The following ROBO2 variants were observed in gnomAD, a reference collection of about 807,000 sequenced individuals.
ROBO2 encodes roundabout guidance receptor 2.
ROBO2 carries 53 observed loss-of-function variants against 160.8 expected under a neutral mutation model. The ratio of observed to expected loss-of-function variants is 0.33; its 90% CI spans 0.26 to 0.41. ROBO2 has a LOEUF of 0.41. ROBO2 is among the 10% of genes least tolerant of loss of function. The pLI is 1.00. For missense variants in ROBO2, 1,577 were observed against 1,722.4 expected, an observed-to-expected ratio of 0.92 and a Z score of 1.49; for synonymous variants, 664 against 611.7, an observed-to-expected ratio of 1.09 and a Z score of -1.26.
intron 2 of ROBO2, among the ~76,000 whole-genome samples, chr3:76,454,105 T>A (rs2077622352): frequency 6.6e-6 from 1 of 152,148 alleles, no homozygotes; most frequent in Admixed American, 6.6e-5. Flanking sequence ...CTATTAATTA[T>A]CTCACCCATT....
chr3:77,569,983 A>G (rs914267042), intron 13 of ROBO2, among the ~76,000 whole-genome samples: 5 of 151,880 alleles, frequency 3.3e-5, no homozygotes, highest in Non-Finnish European at 7.4e-5. Context: ...GTTCCCATGA[A>G]GGGAACACAA....
At chr3:77,217,149 T>G (rs1488504488) in intron 2 of ROBO2, among the ~76,000 whole-genome samples, 1 of 152,048 alleles carries the variant, frequency 6.6e-6, no homozygotes, top group Non-Finnish European at 1.5e-5. Context: ...TTCTTTCCTT[T>G]TTTTCTTTTC....
chr3:77,312,042 C>A (rs558982463), intron 2 of ROBO2, among the ~76,000 whole-genome samples: 2 of 152,122 alleles, frequency 1.3e-5, no homozygotes, highest in Admixed American at 1.3e-4. Context: ...GCTGAGATCA[C>A]CCCATTGCAC....
intron 2 of ROBO2, among the ~76,000 whole-genome samples, chr3:77,017,821 T>C (rs1028084591): frequency 2.0e-5 from 3 of 152,204 alleles, no homozygotes; most frequent in African/African-American, 4.8e-5. Flanking sequence ...CATCATCTAA[T>C]ATTTTGTTTT....
chr3:77,163,731 G>A (rs889906736), intron 2 of ROBO2, among the ~76,000 whole-genome samples: 6 of 152,086 alleles, frequency 3.9e-5, no homozygotes, highest in Non-Finnish European at 8.8e-5. Context: ...GACATGGTCT[G>A]GGACACATAC....
chr3:77,417,556 CA>C (rs1479674355), intron 2 of ROBO2, among the ~76,000 whole-genome samples: 1 of 151,970 alleles, frequency 6.6e-6, no homozygotes, highest in Non-Finnish European at 1.5e-5. Context: ...AATTATACAC[CA>C]AAACCATTTA....
chr3:77,506,236 TCATA>T (rs1292292442), intron 5 of ROBO2, among the ~76,000 whole-genome samples: 1 of 152,176 alleles, frequency 6.6e-6, no homozygotes, highest in Admixed American at 6.6e-5. Context: ...TTGAACAAAC[TCATA>T]CAGAGTCCAA....
intron 2 of ROBO2, among the ~76,000 whole-genome samples, chr3:76,202,614 C>T (rs1056406503): frequency 6.6e-6 from 1 of 152,040 alleles, no homozygotes; most frequent in Non-Finnish European, 1.5e-5. Flanking sequence ...GGTGAAATTG[C>T]AGAATAATTA....
At chr3:77,200,869 T>C (rs960657957) in intron 2 of ROBO2, among the ~76,000 whole-genome samples, 2 of 152,154 alleles carry the variant, frequency 1.3e-5, no homozygotes, top group African/African-American at 4.8e-5. Context: ...ACAGACACCA[T>C]AGGCCAGGCA....
chr3:77,332,583 CATAA>C (rs915878805), intron 2 of ROBO2, among the ~76,000 whole-genome samples: 3 of 152,024 alleles, frequency 2.0e-5, no homozygotes, highest in Admixed American at 6.6e-5. Flanking sequence ...CATAACATAG[CATAA>C]ATAACTACAT....
At chr3:76,834,756 G>A (rs1455989302) in intron 2 of ROBO2, among the ~76,000 whole-genome samples, 1 of 152,038 alleles carries the variant, frequency 6.6e-6, no homozygotes, top group Admixed American at 6.6e-5. Context: ...CTTAAGTTCT[G>A]GGATTACAGA....
intron 2 of ROBO2, among the ~76,000 whole-genome samples, chr3:77,438,763 G>A (rs186387397): frequency 2.4e-4 from 37 of 152,114 alleles, no homozygotes; most frequent in African/African-American, 7.9e-4. Flanking sequence ...TTGACCCACA[G>A]GGTGTTGCTT....
At chr3:77,528,275 C>T (rs2091351035) in intron 6 of ROBO2, among the ~76,000 whole-genome samples, 1 of 151,492 alleles carries the variant, frequency 6.6e-6, no homozygotes, top group Non-Finnish European at 1.5e-5. Context: ...ATTTAGTACA[C>T]TGCTTCTTTA....
chr3:77,626,542 T>C (rs1382384039), intron 23 of ROBO2, among the ~76,000 whole-genome samples: 1 of 152,212 alleles, frequency 6.6e-6, no homozygotes, highest in Non-Finnish European at 1.5e-5. Flanking sequence ...CTGTAATTTC[T>C]TCCTAAATGC....
chr3:76,593,132 T>C (rs761595926), intron 2 of ROBO2, among the ~76,000 whole-genome samples: 1 of 152,126 alleles, frequency 6.6e-6, no homozygotes, highest in Non-Finnish European at 1.5e-5. Flanking sequence ...CTGTGCATCA[T>C]GCTGAATACA....
chr3:76,203,158 C>T (rs1296940607), intron 2 of ROBO2, among the ~76,000 whole-genome samples: 1 of 152,116 alleles, frequency 6.6e-6, no homozygotes, highest in Non-Finnish European at 1.5e-5. Flanking sequence ...CAAATCCCCC[C>T]CAGATCCACA....
At chr3:76,539,776 A>G (rs76593823) in intron 2 of ROBO2, among the ~76,000 whole-genome samples, 2 of 152,330 alleles carry the variant, frequency 1.3e-5, no homozygotes, top group East Asian at 3.9e-4. Flanking sequence ...TTAACCCACA[A>G]AAATTTCCTG....
chr3:76,915,939 T>C (rs182991034), intron 2 of ROBO2, among the ~76,000 whole-genome samples: 2 of 152,200 alleles, frequency 1.3e-5, no homozygotes, highest in African/African-American at 4.8e-5. Flanking sequence ...CCTCATACAG[T>C]GGAGAACAGA....
chr3:77,492,315 A>G (rs987868460), intron 4 of ROBO2, among the ~76,000 whole-genome samples: 2 of 152,208 alleles, frequency 1.3e-5, no homozygotes, highest in African/African-American at 4.8e-5. Flanking sequence ...AAGAAACTGG[A>G]CAAGGAATGC....
Sources: gnomAD v4.1 joint callset for allele counts (sites outside exome capture counted in the v4.1 genomes callset) on GRCh38, gnomAD v4.1.1 for gene constraint, MANE v1.5 for transcripts, NCBI Gene and HGNC (gene_info 2026-07-23, HGNC 2026-07-21) for gene names.